Variants in ITCH observed in about 807,000 individuals in gnomAD.
ITCH encodes the protein E3 ubiquitin-protein ligase Itchy homolog.
Under a neutral mutation model 126.8 loss-of-function variants are expected in ITCH, and 28 were observed. The observed-to-expected ratio is 0.22, with a 90% confidence interval of 0.16 to 0.30. The LOEUF (loss-of-function observed/expected upper bound fraction) is 0.30. ITCH is among the 10% of genes least tolerant of loss of function. The pLI, the probability that ITCH is intolerant of heterozygous loss-of-function variation, is 1.00. For missense variants in ITCH, 631 were observed against 1,032.4 expected (o/e 0.61, Z 5.33); for synonymous variants, 342 against 340.0 (o/e 1.01, Z -0.06).
chr20:34,396,102 C>A (rs532462998), intron 3 of ITCH, among the ~76,000 whole-genome samples: 4 of 147,370 alleles, frequency 2.7e-5, no homozygotes, highest in Non-Finnish European at 6.0e-5. Context: ...GGTGTGATCT[C>A]GGCTCACTGC....
chr20:34,382,963 C>CA (rs1444882422), intron 2 of ITCH, among the ~76,000 whole-genome samples: 7 of 151,520 alleles, frequency 4.6e-5, no homozygotes, highest in East Asian at 1.9e-4. Context: ...AGGCTGGTCT[C>CA]AAACTCCTGA....
At chr20:34,445,990 T>TA (rs1984403967) in intron 11 of ITCH, among the ~76,000 whole-genome samples, 2 of 152,210 alleles carry the variant, frequency 1.3e-5, no homozygotes, top group Non-Finnish European at 2.9e-5. Flanking sequence ...ATCTTTGATA[T>TA]AAAATCATTT....
intron 16 of ITCH, among the ~76,000 whole-genome samples, chr20:34,475,118 C>T (rs551525553): frequency 2.6e-5 from 4 of 151,200 alleles, no homozygotes; most frequent in Admixed American, 6.6e-5. Context: ...AAGAGGCGCT[C>T]CTCACTCCTA....
At chr20:34,395,072 AAAT>A (rs1324340881) in intron 3 of ITCH, among the ~76,000 whole-genome samples, 1 of 151,996 alleles carries the variant, frequency 6.6e-6, no homozygotes, top group African/African-American at 2.4e-5. Flanking sequence ...TCTCTATTAA[AAAT>A]AAAAAAAATT....
At chr20:34,371,139 G>A in intron 2 of ITCH, among the ~76,000 whole-genome samples, 1 of 141,324 alleles carries the variant, frequency 7.1e-6, no homozygotes, top group African/African-American at 2.7e-5. Context: ...CTGCACTCCA[G>A]CCTGGGCAAC....
At chr20:34,407,177 G>T (rs919166836) in intron 3 of ITCH, among the ~76,000 whole-genome samples, 1 of 152,028 alleles carries the variant, frequency 6.6e-6, no homozygotes, top group Non-Finnish European at 1.5e-5. Flanking sequence ...CTCTTCCTTA[G>T]ATAATATGAG....
intron 2 of ITCH, among the ~76,000 whole-genome samples, chr20:34,386,549 T>C (rs999601320): frequency 3.9e-5 from 6 of 152,222 alleles, no homozygotes; most frequent in African/African-American, 1.4e-4. Context: ...CTCTTTGAAC[T>C]CTGGACTTTC....
rs185742617 is a variant in ITCH, at chr20:34,384,700, G to A, written c.-21-9091G>A. On this transcript the variant is annotated intron_variant, in intron 2 of 24. Coordinates refer to ENST00000374864, the MANE Select transcript of ITCH (RefSeq NM_031483.7). ...TTTTGAGACGGAGTCTCGCTCTGTC[G>A]CCCAGGCTGGAGTGCAGTGGCATGT... is the stretch of plus-strand genomic sequence containing the variant. 2.3e-5 allele frequency among the ~76,000 whole-genome samples: 3 copies of A among 129,676 alleles called. No homozygotes were observed. The Admixed American group carries it at 2.8e-4, about 12-fold the overall frequency. 85.1% of individuals were successfully genotyped at this position (129,676 alleles called of 152,430 possible).
At chr20:34,450,735 C>G (rs1039799659) in intron 12 of ITCH, among the ~76,000 whole-genome samples, 1 of 152,106 alleles carries the variant, frequency 6.6e-6, no homozygotes, top group Non-Finnish European at 1.5e-5. Flanking sequence ...AGTGATATTT[C>G]TAGATTGGGA....
At chr20:34,449,557 A>G (rs1984938736) in intron 12 of ITCH, 77 bp downstream of exon 12, 1 of 989,638 alleles carries the variant, frequency 1.0e-6, no homozygotes, top group South Asian at 1.3e-5. Flanking sequence ...TTTAAAACAG[A>G]TATTTATGTC....
At chr20:34,425,943 C>A (rs1015752493) in intron 7 of ITCH, among the ~76,000 whole-genome samples, 1 of 152,248 alleles carries the variant, frequency 6.6e-6, no homozygotes, top group South Asian at 2.1e-4. Flanking sequence ...AGTCTCTCGT[C>A]TCCACCTGAC....
At chr20:34,491,398 G>A (rs1056046300) in intron 22 of ITCH, among the ~76,000 whole-genome samples, 1 of 152,082 alleles carries the variant, frequency 6.6e-6, no homozygotes, top group South Asian at 2.1e-4. Flanking sequence ...GAAGTTGCAG[G>A]GAGCAAAAAT....
At chr20:34,382,272 T>C (rs764432667) in intron 2 of ITCH, among the ~76,000 whole-genome samples, 10 of 152,208 alleles carry the variant, frequency 6.6e-5, no homozygotes, top group Non-Finnish European at 1.3e-4. Context: ...TTTGTGTCAT[T>C]TTATTCTAGG....
intron 2 of ITCH, among the ~76,000 whole-genome samples, chr20:34,392,029 T>C (rs1327328806): frequency 2.0e-5 from 3 of 152,310 alleles, no homozygotes; most frequent in Non-Finnish European, 4.4e-5. Flanking sequence ...AGCCAGATAT[T>C]GGACTTTTCT....
Position 34,503,943 on chromosome 20 carries a change from G to A in ITCH, c.2417-388G>A, listed in dbSNP as rs186415970. Among the ~76,000 whole-genome samples, 8 of 146,236 alleles carry A rather than the reference G, an allele frequency of 5.5e-5. No homozygotes were observed. In the East Asian group the frequency reaches 1.4e-3, roughly 26 times the overall value. ...GTCACCCGGGCGAGAGTGTAGTGGC[G>A]CAATCTTGAGTCACTGCAACTTTGC... On this transcript the variant is annotated intron_variant, in intron 23 of 24. Coordinates refer to ENST00000374864, the MANE Select transcript of ITCH (RefSeq NM_031483.7).
intron 7 of ITCH, among the ~76,000 whole-genome samples, chr20:34,429,124 A>C (rs1407822246): frequency 6.6e-6 from 1 of 152,038 alleles, no homozygotes; most frequent in Non-Finnish European, 1.5e-5. Flanking sequence ...TTTTTAGTAG[A>C]GATGAGGTTT....
At chr20:34,464,126 C>T (rs1192184938) in intron 14 of ITCH, among the ~76,000 whole-genome samples, 2 of 151,424 alleles carry the variant, frequency 1.3e-5, no homozygotes, top group Non-Finnish European at 2.9e-5. Flanking sequence ...AGGCGCCCGC[C>T]ACCATGCCCA....
intron 2 of ITCH, among the ~76,000 whole-genome samples, chr20:34,391,401 G>A (rs914894411): frequency 3.3e-5 from 5 of 152,072 alleles, no homozygotes; most frequent in Non-Finnish European, 7.4e-5. Context: ...TACTGATGGG[G>A]TGATCATTTT....
At chr20:34,498,309 T>G (rs1197294395) in intron 23 of ITCH, among the ~76,000 whole-genome samples, 1 of 152,202 alleles carries the variant, frequency 6.6e-6, no homozygotes, top group African/African-American at 2.4e-5. Context: ...TTCCTAATTC[T>G]GATGCCCTTT....
Sources: gnomAD v4.1 joint callset for allele counts (sites outside exome capture counted in the v4.1 genomes callset) on GRCh38, gnomAD v4.1.1 for gene constraint, MANE v1.5 for transcripts, NCBI Gene and HGNC (gene_info 2026-07-23, HGNC 2026-07-21) for gene names.